Variants in IQCM observed in about 807,000 individuals in gnomAD.
IQCM encodes IQ motif containing M, also known as IQ domain-containing protein M.
Under a neutral mutation model 57.6 loss-of-function variants are expected in IQCM, and 45 were observed. The observed-to-expected ratio is 0.78, with a 90% CI of 0.62 to 1.00. The LOEUF (loss-of-function observed/expected upper bound fraction) is 1.00, where lower values mean the gene tolerates loss of function less well. Ranked by LOEUF, IQCM falls within the 50% of genes least tolerant of loss-of-function variation. The pLI, the probability that IQCM is intolerant of heterozygous loss-of-function variation, is 0.00. For synonymous variants in IQCM, 148 were observed against 158.9 expected, an observed-to-expected ratio of 0.93 and a Z score of 0.51; for missense variants, 468 against 511.6, an observed-to-expected ratio of 0.91 and a Z score of 0.82.
chr4:149,653,933 C>T (rs1423565968), intron 7 of IQCM, among the ~76,000 whole-genome samples: 3 of 151,870 alleles, frequency 2.0e-5, no homozygotes, highest in African/African-American at 7.3e-5. Flanking sequence ...TTTATAAAAT[C>T]TAATAAAAGT....
At chr4:149,761,051 A>AAT (rs571805001) in intron 2 of IQCM, among the ~76,000 whole-genome samples, 3 of 152,240 alleles carry the variant, frequency 2.0e-5, no homozygotes, top group Non-Finnish European at 1.5e-5. Context: ...CTAAAATCAC[A>AAT]ATATAAAGGG....
intron 12 of IQCM, among the ~76,000 whole-genome samples, chr4:149,456,437 A>G (rs1737709584): frequency 6.6e-6 from 1 of 152,132 alleles, no homozygotes; most frequent in Non-Finnish European, 1.5e-5. Flanking sequence ...ACCTAAGTCT[A>G]AACATGAAAT....
intron 2 of IQCM, among the ~76,000 whole-genome samples, chr4:149,745,036 C>T (rs1271175418): frequency 6.6e-6 from 1 of 152,082 alleles, no homozygotes; most frequent in Non-Finnish European, 1.5e-5. Flanking sequence ...GCTACTTACA[C>T]CTGGAAGGGT....
intron 5 of IQCM, among the ~76,000 whole-genome samples, chr4:149,732,672 G>A (rs1242662472): frequency 6.6e-6 from 1 of 152,076 alleles, no homozygotes; most frequent in Non-Finnish European, 1.5e-5. Context: ...AATAAGATGA[G>A]GCTGTGAAAG....
intron 12 of IQCM, among the ~76,000 whole-genome samples, chr4:149,516,357 C>A (rs1388453107): frequency 6.6e-6 from 1 of 152,186 alleles, no homozygotes; most frequent in African/African-American, 2.4e-5. Flanking sequence ...GCCTTACAAC[C>A]ATCATGGTAT....
chr4:149,595,188 T>A (rs1466081118), intron 8 of IQCM, among the ~76,000 whole-genome samples: 5 of 152,214 alleles, frequency 3.3e-5, no homozygotes, highest in African/African-American at 1.2e-4. Flanking sequence ...CTTGTTGAAT[T>A]GATCCCTTTA....
At chr4:149,649,527 G>A (rs1333408447) in intron 7 of IQCM, among the ~76,000 whole-genome samples, 1 of 152,078 alleles carries the variant, frequency 6.6e-6, no homozygotes, top group South Asian at 2.1e-4. Flanking sequence ...ACTTTTTAAA[G>A]ATAATTTTAA....
intron 7 of IQCM, among the ~76,000 whole-genome samples, chr4:149,663,412 T>C (rs998815774): frequency 6.6e-6 from 1 of 152,100 alleles, no homozygotes; most frequent in African/African-American, 2.4e-5. Context: ...TGTGTATTCA[T>C]GATAGTAATT....
At chr4:149,699,406 T>C (rs1763589141) in intron 5 of IQCM, among the ~76,000 whole-genome samples, 2 of 151,790 alleles carry the variant, frequency 1.3e-5, no homozygotes, top group Non-Finnish European at 2.9e-5. Context: ...CCAGAAGAAA[T>C]GTGTTTAGAT....
chr4:149,745,514 C>A (rs1339449888), intron 2 of IQCM, among the ~76,000 whole-genome samples: 2 of 152,170 alleles, frequency 1.3e-5, no homozygotes, highest in Non-Finnish European at 2.9e-5. Flanking sequence ...AAAAAGTCCT[C>A]TCACCCTTTC....
intron 10 of IQCM, among the ~76,000 whole-genome samples, chr4:149,555,974 G>A (rs1223824223): frequency 6.6e-6 from 1 of 152,152 alleles, no homozygotes; most frequent in Non-Finnish European, 1.5e-5. Flanking sequence ...CAGAGAAAAT[G>A]ACAATGGTCC....
chr4:149,480,534 G>A (rs1178712792), intron 12 of IQCM, among the ~76,000 whole-genome samples: 1 of 152,064 alleles, frequency 6.6e-6, no homozygotes, highest in East Asian at 1.9e-4. Context: ...TCTGTGCCTG[G>A]TTTATTTCAC....
chr4:149,801,287 G>A (rs1242744666), intron 2 of IQCM, among the ~76,000 whole-genome samples: 1 of 152,078 alleles, frequency 6.6e-6, no homozygotes, highest in Middle Eastern at 3.4e-3. Context: ...TACACTGTTG[G>A]TGGGAATGTA....
At chr4:149,456,419 G>C (rs1376824338) in intron 12 of IQCM, among the ~76,000 whole-genome samples, 1 of 151,926 alleles carries the variant, frequency 6.6e-6, no homozygotes, top group African/African-American at 2.4e-5. Context: ...AGATATATTT[G>C]GGATGGGACC....
At chr4:149,461,208 G>A (rs1375588666) in intron 12 of IQCM, among the ~76,000 whole-genome samples, 11 of 144,526 alleles carry the variant, frequency 7.6e-5, no homozygotes, top group East Asian at 6.1e-4. Context: ...ACTCCAGCCC[G>A]GGCAACAAGA....
chr4:149,395,026 C>G (rs1257417674), intron 13 of IQCM, among the ~76,000 whole-genome samples: 1 of 151,866 alleles, frequency 6.6e-6, no homozygotes, highest in African/African-American at 2.4e-5. Context: ...GAGACTCCAC[C>G]AAATAAAACC....
At chr4:149,683,051 G>A (rs1762297097) in intron 6 of IQCM, among the ~76,000 whole-genome samples, 1 of 151,140 alleles carries the variant, frequency 6.6e-6, no homozygotes, top group Admixed American at 6.6e-5. Flanking sequence ...ATATATCACA[G>A]AGATCTTTCT....
At chr4:149,746,674 T>C (rs1580188543) in intron 2 of IQCM, among the ~76,000 whole-genome samples, 1 of 152,344 alleles carries the variant, frequency 6.6e-6, no homozygotes, top group East Asian at 1.9e-4. Flanking sequence ...TTGACTTCTC[T>C]TGGACTTAGT....
intron 3 of IQCM, among the ~76,000 whole-genome samples, chr4:149,741,584 T>C (rs1204535980): frequency 6.6e-6 from 1 of 152,176 alleles, no homozygotes; most frequent in Non-Finnish European, 1.5e-5. Flanking sequence ...CAGAGCTCTA[T>C]TGGCAGCCCT....
Sources: allele counts gnomAD v4.1 joint callset (sites outside exome capture counted in the v4.1 genomes callset), GRCh38; gene constraint gnomAD v4.1.1; transcripts MANE v1.5; gene names NCBI Gene and HGNC (gene_info 2026-07-23, HGNC 2026-07-21).